The following BBOF1 variants were observed in gnomAD, a reference collection of about 807,000 sequenced individuals.
BBOF1 encodes the protein basal body orientation factor 1, also known as basal body-orientation factor 1.
BBOF1 carries 62 observed loss-of-function variants against 68.0 expected under a neutral mutation model. That is an observed-to-expected ratio of 0.91 (90% CI 0.74 to 1.13). The LOEUF (loss-of-function observed/expected upper bound fraction) is 1.13, where lower values mean the gene tolerates loss of function less well. BBOF1 is among the 50% of genes most tolerant of loss of function. The pLI is 0.00. For missense variants in BBOF1, 534 were observed against 600.1 expected (o/e 0.89, Z 1.15); for synonymous variants, 208 against 198.8 (o/e 1.05, Z -0.39).
Position 74,049,666 on chromosome 14 carries a change from G to GA in BBOF1, c.793-26dup, listed in dbSNP as rs749025228. 6,834 of 1,381,692 alleles carry GA rather than the reference G, an allele frequency of 4.9e-3. 52 individuals are homozygous for GA. Among genetic ancestry groups the GA allele is most frequent in the African/African-American group, 0.045 (3,069 of 67,510 alleles). The allele number at this position is 1,381,692 out of a possible 1,614,324, so 85.6% of individuals were successfully genotyped here. A position where few individuals can be genotyped will look rare whatever the true frequency, so the allele number is the denominator to read the frequency against. ...GACAGAGCAAGATTCCATCTCAAAAGAAAAAAAAAATCACCTCTCATCTTT... is the reference window on the plus strand; with the variant it reads ...GACAGAGCAAGATTCCATCTCAAAAGAAAAAAAAAAATCACCTCTCATCTTT... On this transcript the variant is annotated intron_variant, in intron 7 of 11. Coordinates refer to ENST00000394009, the MANE Select transcript of BBOF1 (RefSeq NM_025057.3).
intron 8 of BBOF1, among the ~76,000 whole-genome samples, chr14:74,052,967 GGCTGCAGTGAGCCA>G (rs2060102203): frequency 6.6e-6 from 1 of 150,380 alleles, no homozygotes; most frequent in Non-Finnish European, 1.5e-5. Flanking sequence ...AGTGAGCCAT[GGCTGCAGTGAGCCA>G]TGATGATGCC....
chr14:74,020,108 C>T (rs1053839395), intron 1 of BBOF1, among the ~76,000 whole-genome samples: 5 of 152,168 alleles, frequency 3.3e-5, no homozygotes, highest in African/African-American at 1.2e-4. Flanking sequence ...ACAAAAATCA[C>T]CTGTAGTCTC....
At chr14:74,066,372 A>C (rs927140311), downstream of BBOF1, among the ~76,000 whole-genome samples, 1 of 152,232 alleles carries the variant, frequency 6.6e-6, no homozygotes, top group African/African-American at 2.4e-5. Context: ...AGTGTCCATA[A>C]ATAACATTTT....
At chr14:74,057,518 CA>C in intron 11 of BBOF1, 2 of 1,368,662 alleles carry the variant, frequency 1.5e-6, no homozygotes, top group Non-Finnish European at 1.9e-6. Context: ...ACAGCCTAGC[CA>C]AAATGTGTAC....
chr14:74,060,824 T>A, intron 11 of BBOF1: 103 of 895,178 alleles, frequency 1.2e-4, no homozygotes, highest in Non-Finnish European at 1.8e-4. Flanking sequence ...TTGAAGGAGG[T>A]ATTATAAAGT....
chr14:74,026,316 C>T (rs1381911833), intron 2 of BBOF1, among the ~76,000 whole-genome samples: 1 of 150,704 alleles, frequency 6.6e-6, no homozygotes. Flanking sequence ...GTGGTGGGCA[C>T]CTGTAATTCC....
intron 9 of BBOF1, among the ~76,000 whole-genome samples, chr14:74,076,736 G>A (rs1354106165): frequency 1.3e-5 from 2 of 152,016 alleles, no homozygotes; most frequent in Admixed American, 6.6e-5. Context: ...TTTTAGTAGA[G>A]ATGGGGTTTC....
downstream of BBOF1, chr14:74,070,630 A>C (rs1428806278): frequency 6.3e-6 from 1 of 159,754 alleles, no homozygotes; most frequent in African/African-American, 2.4e-5. Flanking sequence ...AGCAAAAATC[A>C]GAGTCAGCCT....
chr14:74,076,646 C>A (rs2060616665), intron 9 of BBOF1, among the ~76,000 whole-genome samples: 1 of 152,194 alleles, frequency 6.6e-6, no homozygotes, highest in Non-Finnish European at 1.5e-5. Flanking sequence ...AAGCTTTTCT[C>A]CTGCCTCAGC....
chr14:74,073,989 ATT>A (rs5809644), intron 9 of BBOF1, among the ~76,000 whole-genome samples: 34,917 of 144,400 alleles, frequency 0.24, 4,741 homozygotes, highest in South Asian at 0.46. Context: ...ACTTTAACTA[ATT>A]TTTTTTTTTT....
At chr14:74,046,499 A>C (rs927614670) in intron 6 of BBOF1, among the ~76,000 whole-genome samples, 1 of 151,972 alleles carries the variant, frequency 6.6e-6, no homozygotes, top group Non-Finnish European at 1.5e-5. Flanking sequence ...CAGCCTCCTG[A>C]GTAGCTGGGA....
At chr14:74,068,794 A>G, downstream of BBOF1, 1 of 1,577,188 alleles carries the variant, frequency 6.3e-7, no homozygotes, top group Non-Finnish European at 8.7e-7. Flanking sequence ...TCTCTGCTGA[A>G]GGTCTGTTCC....
intron 9 of BBOF1, chr14:74,072,142 T>C: frequency 6.2e-7 from 1 of 1,612,120 alleles, no homozygotes; most frequent in Non-Finnish European, 8.5e-7. Flanking sequence ...AAGGTCTCTG[T>C]GAGAGTGACA....
chr14:74,028,495 CA>C (rs1181334083), intron 2 of BBOF1, among the ~76,000 whole-genome samples: 3 of 126,322 alleles, frequency 2.4e-5, no homozygotes, highest in Non-Finnish European at 3.3e-5. Flanking sequence ...CACACACACA[CA>C]CACACACACA....
At chr14:74,066,735 A>C, downstream of BBOF1, 11 of 1,614,152 alleles carry the variant, frequency 6.8e-6, no homozygotes, top group Non-Finnish European at 9.3e-6. Flanking sequence ...TTGGTCCAAC[A>C]AAGTTGCCAT....
At chr14:74,072,390 C>A (rs552897293) in intron 9 of BBOF1, 1 of 1,613,974 alleles carries the variant, frequency 6.2e-7, no homozygotes, top group South Asian at 1.1e-5. Context: ...AGCACATGAT[C>A]CTTTGCCTGA....
downstream of BBOF1, among the ~76,000 whole-genome samples, chr14:74,069,414 T>C (rs2060518359): frequency 6.6e-6 from 1 of 152,028 alleles, no homozygotes; most frequent in African/African-American, 2.4e-5. Flanking sequence ...TGTTTTTCTG[T>C]ACTGGATTCT....
intron 9 of BBOF1, among the ~76,000 whole-genome samples, chr14:74,077,503 A>G (rs1356080530): frequency 2.0e-5 from 3 of 152,198 alleles, no homozygotes; most frequent in Non-Finnish European, 4.4e-5. Context: ...GTCATAATAT[A>G]ACAGAGAAGA....
intron 11 of BBOF1, among the ~76,000 whole-genome samples, chr14:74,063,021 A>C (rs1262435363): frequency 6.6e-6 from 1 of 152,124 alleles, no homozygotes; most frequent in Non-Finnish European, 1.5e-5. Flanking sequence ...AATGGCTTAA[A>C]GAGCCCTACA....
Sources: gnomAD v4.1 joint callset for allele counts (sites outside exome capture counted in the v4.1 genomes callset) on GRCh38, gnomAD v4.1.1 for gene constraint, MANE v1.5 for transcripts, NCBI Gene and HGNC (gene_info 2026-07-23, HGNC 2026-07-21) for gene names.